Variants in SLC8A3 observed in about 807,000 individuals in gnomAD.
The protein encoded by SLC8A3 is solute carrier family 8 member A3.
In SLC8A3, 37 loss-of-function variants were observed where a neutral mutation model predicts 65.4. The observed-to-expected ratio is 0.57, with a 90% CI of 0.44 to 0.74. The LOEUF (loss-of-function observed/expected upper bound fraction) is 0.74. Ranked by LOEUF, SLC8A3 falls within the 30% of genes least tolerant of loss-of-function variation. SLC8A3 has a pLI of 0.00. For missense variants in SLC8A3, 1,112 were observed against 1,172.1 expected (o/e 0.95, Z 0.75); for synonymous variants, 461 against 444.5 (o/e 1.04, Z -0.47).
In SLC8A3 at chr14:70,095,984, C is replaced by T. The variant is rs371014870; in HGVS notation, c.1785-35045G>A. 1.8e-3 allele frequency among the ~76,000 whole-genome samples: 280 copies of T among 152,186 alleles called. 9 individuals carry two copies. Among genetic ancestry groups the T allele is most frequent in the South Asian group, 8.1e-3 (39 of 4,814 alleles). ...GCAACCTCCACCTCCCGGGTTCAAG[C>T]AAGTATCCTGCCTCAGCCTCCCAAG... On this transcript the variant is annotated intron_variant, in intron 2 of 6. Transcript: ENST00000356921.
In SLC8A3 at chr14:70,072,607, A is replaced by G. The variant is rs867134077; in HGVS notation, c.1785-11668T>C. Among the ~76,000 whole-genome samples the G allele has an allele frequency of 3.2e-3, 487 of 151,826 alleles. 3 individuals carry two copies. The highest frequency in any genetic ancestry group is 0.011 in the African/African-American group (463 of 41,398). ...TGTCTATCTATCCGTCCATCCATCC[A>G]TCCATCCATCCATCCATCCATCCAT... On this transcript the variant is annotated intron_variant, in intron 2 of 6. Transcript: ENST00000356921.
rs1166939823 is a variant in SLC8A3, at chr14:70,060,905, C to T, written c.1819G>A (p.Glu607Lys). 10 of 1,520,512 alleles carry T rather than the reference C, an allele frequency of 6.6e-6. No homozygotes were observed. Among genetic ancestry groups the T allele is most frequent in the Non-Finnish European group, 8.8e-6 (10 of 1,136,010 alleles). 94.2% of individuals were successfully genotyped at this position (1,520,512 alleles called of 1,614,324 possible). A position where few individuals can be genotyped will look rare whatever the true frequency, so the allele number is the denominator to read the frequency against. Residue 607 changes from glutamate to lysine, a missense_variant, in exon 3 of 7, where the codon GAA becomes AAA. Transcript: ENST00000356921. The stretch of plus-strand genomic sequence containing the variant: ...AAGAAATTCTCTTGCCTTTCGTATT[C>T]CTCCTCATCTACTATTTTAACCCTT... ...TIRVKIVDEE[E>K]YERQENFFIA...
intron 2 of SLC8A3, among the ~76,000 whole-genome samples, chr14:70,077,643 C>A (rs1890660619): frequency 1.3e-5 from 2 of 152,306 alleles, no homozygotes; most frequent in South Asian, 4.1e-4. Context: ...AATTTACTTC[C>A]TTCTAGCCCC....
chr14:70,169,913 T>C (rs989170895), intron 1 of SLC8A3, among the ~76,000 whole-genome samples: 1 of 152,130 alleles, frequency 6.6e-6, no homozygotes. Flanking sequence ...TTCATCTCTC[T>C]TCTGTCCCTT....
intron 1 of SLC8A3, among the ~76,000 whole-genome samples, chr14:70,177,470 G>C (rs539942564): frequency 3.5e-4 from 53 of 152,356 alleles, no homozygotes; most frequent in African/African-American, 1.3e-3. Context: ...GAGATCACAA[G>C]AAAGGAAGGT....
At position 70,066,654 on chromosome 14, in the gene SLC8A3, T is replaced by C. The variant is rs188570981; in HGVS notation, c.1785-5715A>G. ...GGGGAAACTCTGTCTCTACTAAAAA[T>C]ACAAAAATTAGCCAGCCATGGTGGT... is the stretch of plus-strand genomic sequence containing the variant. On this transcript the variant is annotated intron_variant, in intron 2 of 6. Transcript: ENST00000356921. Among the ~76,000 whole-genome samples, 261 of 152,114 alleles carry C rather than the reference T, an allele frequency of 1.7e-3. 2 individuals carry two copies. Among genetic ancestry groups the C allele is most frequent in the African/African-American group, 6.1e-3 (252 of 41,494 alleles).
In SLC8A3 at chr14:70,168,154, C is replaced by T; in HGVS notation, c.269G>A (p.Gly90Glu). Residue 90 changes from glycine (G) to glutamate (E), a missense_variant, in exon 2 of 7, where the codon GGG becomes GAG. Gly to Glu is a moderately conservative substitution (Grantham distance 98). Coordinates refer to ENST00000356921, the MANE Select transcript of SLC8A3 (RefSeq NM_182932.3). ...YFVALIYMFL[G>E]VSIIADRFMA... ...GAAGCGGTCAGCAATGATGGACACC[C>T]CAAGGAACATGTATATCAGGGCCAC... 1 of 1,614,118 alleles carries T rather than the reference C, an allele frequency of 6.2e-7. No homozygotes were observed. Among genetic ancestry groups the T allele is most frequent in the Non-Finnish European group, 8.5e-7 (1 of 1,180,018 alleles).
intron 2 of SLC8A3, among the ~76,000 whole-genome samples, chr14:70,076,255 C>G (rs528905767): frequency 6.6e-6 from 1 of 152,230 alleles, no homozygotes; most frequent in African/African-American, 2.4e-5. Flanking sequence ...CTTGTCTGCC[C>G]GGTCTGCTTG....
intron 2 of SLC8A3, among the ~76,000 whole-genome samples, chr14:70,093,913 C>T (rs888920471): frequency 2.6e-5 from 4 of 152,204 alleles, no homozygotes; most frequent in Non-Finnish European, 4.4e-5. Flanking sequence ...CCTCAATGAA[C>T]CTGACAGGCT....
chr14:70,187,423 G>A (rs946487217), intron 1 of SLC8A3, among the ~76,000 whole-genome samples: 2 of 151,758 alleles, frequency 1.3e-5, no homozygotes, highest in Non-Finnish European at 2.9e-5. Context: ...ACCCCACCCC[G>A]CCACCACCAC....
intron 2 of SLC8A3, among the ~76,000 whole-genome samples, chr14:70,084,605 C>T (rs1891292148): frequency 6.6e-6 from 1 of 152,216 alleles, no homozygotes; most frequent in African/African-American, 2.4e-5. Flanking sequence ...TTCCATCTCT[C>T]TCCAATGCTC....
chr14:70,179,551 A>G (rs529339119), intron 1 of SLC8A3, among the ~76,000 whole-genome samples: 3 of 152,312 alleles, frequency 2.0e-5, no homozygotes, highest in Admixed American at 1.3e-4. Context: ...GTAGAGAGGT[A>G]TATGGTTAAA....
chr14:70,169,675 TA>T (rs35915562), intron 1 of SLC8A3, among the ~76,000 whole-genome samples: 31 of 94,762 alleles, frequency 3.3e-4, no homozygotes, highest in South Asian at 4.9e-4. Flanking sequence ...ATGGAATAGC[TA>T]AAAAAAAAAA....
At chr14:70,117,966 T>C (rs1048995357) in intron 2 of SLC8A3, among the ~76,000 whole-genome samples, 1 of 152,222 alleles carries the variant, frequency 6.6e-6, no homozygotes, top group African/African-American at 2.4e-5. Flanking sequence ...TTCCTCTTGC[T>C]CCTTCTGCCT....
At chr14:70,108,511 G>A (rs1381318655) in intron 2 of SLC8A3, among the ~76,000 whole-genome samples, 5 of 151,874 alleles carry the variant, frequency 3.3e-5, no homozygotes, top group Non-Finnish European at 5.9e-5. Flanking sequence ...TTCTTTTGCT[G>A]CTTCGTCTCC....
At chr14:70,062,050 C>A (rs949052605) in intron 2 of SLC8A3, among the ~76,000 whole-genome samples, 9 of 140,742 alleles carry the variant, frequency 6.4e-5, no homozygotes, top group Non-Finnish European at 1.2e-4. Context: ...TGGTGGCTAG[C>A]AGGTCCTACT....
chr14:70,044,615 C>T lies in SLC8A3; in HGVS notation c.*1332G>A, dbSNP rs1460013120. ...TTCCTCTTACTGGAGCAAGAACTAC[C>T]CCATAGGCTGGAAAAATAGCTTCAT... On this transcript the variant is annotated 3_prime_UTR_variant, in exon 7 of 7. Coordinates refer to ENST00000356921, the MANE Select transcript of SLC8A3 (RefSeq NM_182932.3). 6.6e-6 allele frequency: 1 copy of T among 152,054 alleles called. No individual in the cohort carries two copies. The highest frequency in any genetic ancestry group is 2.4e-5 in the African/African-American group (1 of 41,366). 9.4% of individuals were successfully genotyped at this position (152,054 alleles called of 1,614,324 possible).
At chr14:70,087,070 G>T (rs1232011166) in intron 2 of SLC8A3, among the ~76,000 whole-genome samples, 1 of 152,170 alleles carries the variant, frequency 6.6e-6, no homozygotes, top group Non-Finnish European at 1.5e-5. Flanking sequence ...AAAGCCTTAT[G>T]ATTTTCCAAG....
intron 2 of SLC8A3, among the ~76,000 whole-genome samples, chr14:70,116,532 G>T (rs576545749): frequency 1.8e-4 from 28 of 152,264 alleles, no homozygotes; most frequent in Admixed American, 1.0e-3. Flanking sequence ...GGCCTTTAAG[G>T]TGCCAGGCAC....
Sources: allele counts gnomAD v4.1 joint callset (sites outside exome capture counted in the v4.1 genomes callset), GRCh38; gene constraint gnomAD v4.1.1; transcripts MANE v1.5; gene names NCBI Gene and HGNC (gene_info 2026-07-23, HGNC 2026-07-21).